MSR1: variants seen among roughly 807,000 people sequenced by gnomAD.
The protein encoded by MSR1 is macrophage scavenger receptor types I and II.
Under a neutral mutation model 47.2 loss-of-function variants are expected in MSR1, and 53 were observed. The observed-to-expected ratio is 1.12, with a 90% CI of 0.90 to 1.41. The LOEUF (loss-of-function observed/expected upper bound fraction) is 1.41, where lower values mean the gene tolerates loss of function less well. Among genes scored for constraint, MSR1 ranks in the 40% most tolerant of loss-of-function variants. MSR1 has a pLI of 0.00. For missense variants in MSR1, 786 were observed against 546.9 expected (o/e 1.44, Z -4.36); for synonymous variants, 239 against 185.6 (o/e 1.29, Z -2.34).
At chr8:16,120,847 G>C in intron 8 of MSR1, 1 of 544,448 alleles carries the variant, frequency 1.8e-6, no homozygotes, top group Non-Finnish European at 3.2e-6. Flanking sequence ...TTACATGTAA[G>C]TTATATATAC....
rs374525027 is a variant in MSR1 at position 16,158,550 on chromosome 8, G to C, written c.818-3406C>G. On this transcript the variant is annotated intron_variant, in intron 5 of 9. Coordinates refer to ENST00000262101, the MANE Select transcript of MSR1 (RefSeq NM_138715.3). ...ATTATGAGCATTAATCTTCTACTCCGTTTTCAATCTTGTCTCATATTCAGA... is the reference window on the plus strand; with the variant it reads ...ATTATGAGCATTAATCTTCTACTCCCTTTTCAATCTTGTCTCATATTCAGA... 5.9e-5 allele frequency among the ~76,000 whole-genome samples: 9 copies of C among 151,586 alleles called. No homozygotes were observed. In the South Asian group the frequency reaches 1.9e-3, roughly 32 times the overall value.
At chr8:16,138,352 C>T (rs1800442340) in intron 8 of MSR1, among the ~76,000 whole-genome samples, 1 of 152,134 alleles carries the variant, frequency 6.6e-6, no homozygotes, top group Non-Finnish European at 1.5e-5. Flanking sequence ...GAGAACACAA[C>T]AGACGATTCA....
At chr8:16,148,362 T>C (rs955763523) in intron 7 of MSR1, among the ~76,000 whole-genome samples, 3 of 152,144 alleles carry the variant, frequency 2.0e-5, no homozygotes, top group African/African-American at 7.2e-5. Context: ...AAGCTAAACA[T>C]AGGTTTACCA....
At position 16,109,757 on chromosome 8, in the gene MSR1, T is replaced by C. The variant is rs34783252; in HGVS notation, c.*328A>G. On this transcript the variant is annotated 3_prime_UTR_variant, in exon 10 of 10. Coordinates refer to ENST00000262101, the MANE Select transcript of MSR1 (RefSeq NM_138715.3). ...AAATTGTAATCTCCTGGTGAACATA[T>C]TATGAATTGGAGCCAATTACTGGTA... 423 of 293,070 alleles carry C rather than the reference T, an allele frequency of 1.4e-3. 2 individuals are homozygous for C. The highest frequency in any genetic ancestry group is 8.7e-3 in the African/African-American group (399 of 45,970). The allele number at this position is 293,070 out of a possible 1,614,324, so 18.2% of individuals were successfully genotyped here. A position where few individuals can be genotyped will look rare whatever the true frequency, so the allele number is the denominator to read the frequency against.
intron 3 of MSR1, among the ~76,000 whole-genome samples, chr8:16,170,144 T>G (rs1801439799): frequency 6.6e-6 from 1 of 151,980 alleles, no homozygotes; most frequent in Admixed American, 6.6e-5. Context: ...GGTCAGGAGA[T>G]CAAGACCATC....
chr8:16,152,915 G>A (rs1180180625), intron 6 of MSR1, among the ~76,000 whole-genome samples: 1 of 152,018 alleles, frequency 6.6e-6, no homozygotes, highest in Non-Finnish European at 1.5e-5. Context: ...TAGTTTTTGA[G>A]TGAAAAGTGA....
intron 1 of MSR1, chr8:16,186,383 T>C (rs1352334990): frequency 1.8e-6 from 1 of 568,840 alleles, no homozygotes; most frequent in Non-Finnish European, 3.1e-6. Context: ...CTCTTAAGTC[T>C]TTATCTCTTG....
At chr8:16,187,535 A>G (rs1366478280) in intron 1 of MSR1, among the ~76,000 whole-genome samples, 1 of 151,914 alleles carries the variant, frequency 6.6e-6, no homozygotes, top group Non-Finnish European at 1.5e-5. Context: ...TGTCTTGTCT[A>G]TCATCTGTCT....
intron 3 of MSR1, among the ~76,000 whole-genome samples, chr8:16,171,492 G>C (rs1011643012): frequency 1.3e-5 from 2 of 152,094 alleles, no homozygotes; most frequent in African/African-American, 2.4e-5. Flanking sequence ...GGAAATAAAA[G>C]TATATTTCTT....
At chr8:16,188,821 T>C (rs1164632392) in intron 1 of MSR1, among the ~76,000 whole-genome samples, 1 of 151,856 alleles carries the variant, frequency 6.6e-6, no homozygotes, top group East Asian at 1.9e-4. Flanking sequence ...TTCATCCATG[T>C]CCCTGCAAAG....
intron 7 of MSR1, among the ~76,000 whole-genome samples, chr8:16,149,658 CAT>C (rs1254419276): frequency 8.1e-4 from 123 of 152,218 alleles, no homozygotes; most frequent in African/African-American, 2.9e-3. Context: ...ATAATATCAT[CAT>C]GTGTGTACAT....
chr8:16,156,802 C>A, intron 5 of MSR1, among the ~76,000 whole-genome samples: 1 of 151,648 alleles, frequency 6.6e-6, no homozygotes, highest in East Asian at 1.9e-4. Context: ...TTAATTGCTG[C>A]GAGACATATA....
chr8:16,146,349 G>T (rs780795818), intron 7 of MSR1, among the ~76,000 whole-genome samples: 2 of 151,544 alleles, frequency 1.3e-5, no homozygotes, highest in Admixed American at 6.6e-5. Context: ...GCATTTAAGT[G>T]GTACTCAGAT....
rs1044374769 is a variant in MSR1 at position 16,140,208 on chromosome 8, A to G, written c.1033+3350T>C. On this transcript the variant is annotated intron_variant, in intron 8 of 9. Transcript: ENST00000262101. ...CAGTTCTCCTAGAACCCAATAAATTAAATTGTGTTCTAGACTCTAGGTGAA... is the reference window on the plus strand; with the variant it reads ...CAGTTCTCCTAGAACCCAATAAATTGAATTGTGTTCTAGACTCTAGGTGAA... The G allele has an allele frequency of 7.1e-6, 7 of 985,098 alleles. No individual in the cohort carries two copies. In the African/African-American group the frequency reaches 1.0e-4, roughly 15 times the overall value. 61.0% of individuals were successfully genotyped at this position (985,098 alleles called of 1,614,324 possible).
At chr8:16,143,708 T>C (rs1176508294) in intron 7 of MSR1, 97 bp from the exon 8 acceptor site, 7 of 828,686 alleles carry the variant, frequency 8.4e-6, no homozygotes, top group Non-Finnish European at 1.4e-5. Context: ...TAAAATATAA[T>C]AGAATGGACA....
intron 9 of MSR1, among the ~76,000 whole-genome samples, chr8:16,113,516 C>T (rs1799810049): frequency 6.6e-6 from 1 of 151,946 alleles, no homozygotes; most frequent in East Asian, 1.9e-4. Context: ...GACTTTTAAG[C>T]CTAGTTGGGA....
chr8:16,186,868 G>A (rs551438548), intron 1 of MSR1, among the ~76,000 whole-genome samples: 1 of 152,006 alleles, frequency 6.6e-6, no homozygotes, highest in South Asian at 2.1e-4. Context: ...ACCCACCTCA[G>A]CCTCCCAAAT....
In MSR1 at chr8:16,109,769, G is replaced by C. The variant is rs1799713832; in HGVS notation, c.*316C>G. ...CCTGGTGAACATATTATGAATTGGAGCCAATTACTGGTATGCATTTCTATT... is the reference window on the plus strand; with the variant it reads ...CCTGGTGAACATATTATGAATTGGACCCAATTACTGGTATGCATTTCTATT... On this transcript the variant is annotated 3_prime_UTR_variant, in exon 10 of 10. Coordinates refer to ENST00000262101, the MANE Select transcript of MSR1 (RefSeq NM_138715.3). The C allele has an allele frequency of 1.6e-5, 5 of 308,166 alleles. No homozygotes were observed. In the South Asian group the frequency reaches 2.1e-4, roughly 13 times the overall value. 19.1% of individuals were successfully genotyped at this position (308,166 alleles called of 1,614,324 possible).
intron 5 of MSR1, among the ~76,000 whole-genome samples, chr8:16,161,724 TACTA>T (rs1801168151): frequency 1.3e-5 from 2 of 152,154 alleles, no homozygotes; most frequent in African/African-American, 2.4e-5. Flanking sequence ...TACATAATTT[TACTA>T]ACTATGAGCA....
Sources: gnomAD v4.1 joint callset for allele counts (sites outside exome capture counted in the v4.1 genomes callset) on GRCh38, gnomAD v4.1.1 for gene constraint, MANE v1.5 for transcripts, NCBI Gene and HGNC (gene_info 2026-07-23, HGNC 2026-07-21) for gene names.